Variants in PTPRM observed in about 807,000 individuals in gnomAD.
PTPRM encodes the protein receptor-type tyrosine-protein phosphatase mu.
In PTPRM, 47 loss-of-function variants were observed where a neutral mutation model predicts 186.7. That is an observed-to-expected ratio of 0.25 (90% CI 0.20 to 0.32). The LOEUF is 0.32. Among genes scored for constraint, PTPRM ranks in the 10% least tolerant of loss-of-function variants. The pLI is 1.00. For synonymous variants in PTPRM, 668 were observed against 674.9 expected (o/e 0.99, Z 0.16); for missense variants, 1,494 against 1,865.0 (o/e 0.80, Z 3.66).
At chr18:7,780,375 T>C (rs1233934196) in intron 2 of PTPRM, among the ~76,000 whole-genome samples, 1 of 152,196 alleles carries the variant, frequency 6.6e-6, no homozygotes, top group Non-Finnish European at 1.5e-5. Context: ...AGTACCCTTA[T>C]GTATTCTCTT....
chr18:8,350,249 T>G (rs2095527426), intron 23 of PTPRM, among the ~76,000 whole-genome samples: 1 of 152,186 alleles, frequency 6.6e-6, no homozygotes, highest in South Asian at 2.1e-4. Context: ...GCTGACCTTT[T>G]GATGTAAAGA....
rs181461005 is a variant in PTPRM at position 8,074,092 on chromosome 18, C to T, written c.1442-2363C>T. Among the ~76,000 whole-genome samples, 5 of 152,158 alleles carry T rather than the reference C, an allele frequency of 3.3e-5. No individual in the cohort carries two copies. The East Asian group carries it at 9.7e-4, about 29-fold the overall frequency. Reference sequence around the variant, plus strand: ...CAACACTTGACTTTAATTGGAATAACTGTAAATGTTCTACATTTATATATA... The same window carrying T: ...CAACACTTGACTTTAATTGGAATAATTGTAAATGTTCTACATTTATATATA... On this transcript the variant is annotated intron_variant, in intron 8 of 32. Transcript: ENST00000580170.
chr18:7,942,154 G>A (rs2146967054), intron 5 of PTPRM, among the ~76,000 whole-genome samples: 1 of 152,014 alleles, frequency 6.6e-6, no homozygotes, highest in East Asian at 1.9e-4. Context: ...GTGGTGGCAG[G>A]CACCTGTAGT....
rs144025919 is a variant in PTPRM, at chr18:8,223,760, C to T, written c.2301-20298C>T. Among the ~76,000 whole-genome samples the T allele has an allele frequency of 1.7e-3, 252 of 152,324 alleles. 1 individual carries two copies. The highest frequency in any genetic ancestry group is 5.7e-3 in the African/African-American group (235 of 41,570). ...TTTAGGAATTGTGGTTTATGTCGAA[C>T]GCCAATCTATATCAGCTTTCATAAC... On this transcript the variant is annotated intron_variant, in intron 14 of 32. Transcript: ENST00000580170.
At chr18:7,723,475 G>A (rs542425531) in intron 1 of PTPRM, among the ~76,000 whole-genome samples, 5 of 152,272 alleles carry the variant, frequency 3.3e-5, no homozygotes, top group Admixed American at 2.0e-4. Flanking sequence ...GTGAGTGCCC[G>A]AGGGTCCCAC....
At chr18:7,966,498 T>G (rs1460185138) in intron 7 of PTPRM, among the ~76,000 whole-genome samples, 2 of 151,650 alleles carry the variant, frequency 1.3e-5, no homozygotes, top group South Asian at 4.2e-4. Context: ...GCTCCCAGCG[T>G]GAGCGACGCA....
chr18:7,840,260 G>T (rs944335554), intron 2 of PTPRM, among the ~76,000 whole-genome samples: 5 of 151,864 alleles, frequency 3.3e-5, no homozygotes, highest in African/African-American at 1.2e-4. Context: ...GGTGTTAATT[G>T]GTGTCCTTGC....
At chr18:7,943,232 T>C (rs973215555) in intron 5 of PTPRM, among the ~76,000 whole-genome samples, 4 of 152,002 alleles carry the variant, frequency 2.6e-5, no homozygotes, top group Admixed American at 1.3e-4. Context: ...GTAGACGGCA[T>C]GTTTTCCTGT....
chr18:7,595,157 C>T (rs2037225193), intron 1 of PTPRM, among the ~76,000 whole-genome samples: 2 of 152,200 alleles, frequency 1.3e-5, no homozygotes, highest in Non-Finnish European at 2.9e-5. Flanking sequence ...AGAGCTGCTG[C>T]TGTTGATGAA....
intron 2 of PTPRM, among the ~76,000 whole-genome samples, chr18:7,865,128 T>A (rs1486195296): frequency 2.0e-5 from 3 of 152,216 alleles, no homozygotes; most frequent in African/African-American, 7.2e-5. Flanking sequence ...AAATATACAA[T>A]CATGTCATCT....
chr18:8,310,606 G>A (rs1247563368), intron 20 of PTPRM, among the ~76,000 whole-genome samples: 1 of 151,628 alleles, frequency 6.6e-6, no homozygotes, highest in Non-Finnish European at 1.5e-5. Flanking sequence ...CTTTATTAGG[G>A]AATTGTTTGC....
At chr18:7,636,682 A>G (rs2038321953) in intron 1 of PTPRM, among the ~76,000 whole-genome samples, 1 of 152,184 alleles carries the variant, frequency 6.6e-6, no homozygotes, top group African/African-American at 2.4e-5. Flanking sequence ...GAGGAGGGAA[A>G]TAGTCTGTAC....
At chr18:8,009,730 TA>T (rs1042296091) in intron 7 of PTPRM, among the ~76,000 whole-genome samples, 6 of 151,960 alleles carry the variant, frequency 3.9e-5, no homozygotes, top group African/African-American at 1.5e-4. Context: ...AAATAAAAAA[TA>T]AAAAAATCAC....
chr18:7,764,694 TG>T lies in PTPRM; in HGVS notation c.74-9453del, dbSNP rs1175510375. ...GCATTTCTGAGTTCCTAGGTGATGG[TG>T]GCTTGTCCAGGGACCCACTTGGAAA... On this transcript the variant is annotated intron_variant, in intron 1 of 32. Transcript: ENST00000580170. Among the ~76,000 whole-genome samples the T allele has an allele frequency of 2.0e-5, 3 of 152,326 alleles. No individual in the cohort carries two copies. In the East Asian group the frequency reaches 5.8e-4, roughly 29 times the overall value.
chr18:7,792,143 AT>A (rs756491347), intron 2 of PTPRM, among the ~76,000 whole-genome samples: 1 of 152,220 alleles, frequency 6.6e-6, no homozygotes, highest in Non-Finnish European at 1.5e-5. Flanking sequence ...AAGTAAACGG[AT>A]TTTTAATACA....
intron 14 of PTPRM, among the ~76,000 whole-genome samples, chr18:8,169,471 C>T (rs117470708): frequency 0.011 from 1,645 of 152,096 alleles, 15 homozygotes; most frequent in Non-Finnish European, 0.016. Context: ...CCCCTGTTGC[C>T]GAGTACACTC....
intron 10 of PTPRM, 55 bp from the exon 11 acceptor site, chr18:8,088,694 A>G: frequency 7.2e-7 from 1 of 1,395,352 alleles, no homozygotes; most frequent in Non-Finnish European, 1.0e-6. Flanking sequence ...TGGAAACTAA[A>G]CTGAGAAGAT....
At chr18:7,623,855 T>G (rs564664028) in intron 1 of PTPRM, among the ~76,000 whole-genome samples, 1 of 152,322 alleles carries the variant, frequency 6.6e-6, no homozygotes, top group Non-Finnish European at 1.5e-5. Context: ...TGCAAGCTGG[T>G]CAGCCATGGA....
intron 7 of PTPRM, among the ~76,000 whole-genome samples, chr18:7,979,979 T>G (rs1351122122): frequency 6.6e-6 from 1 of 152,192 alleles, no homozygotes; most frequent in African/African-American, 2.4e-5. Context: ...CTCCTGCCTC[T>G]GGGCATGCTG....
Sources: gnomAD v4.1 joint callset for allele counts (sites outside exome capture counted in the v4.1 genomes callset) on GRCh38, gnomAD v4.1.1 for gene constraint, MANE v1.5 for transcripts, NCBI Gene and HGNC (gene_info 2026-07-23, HGNC 2026-07-21) for gene names.